Variants in PDK2 observed in about 807,000 individuals in gnomAD.
PDK2 encodes the protein pyruvate dehydrogenase kinase, isozyme 2.
A neutral mutation model predicts 50.4 loss-of-function variants in PDK2; 34 were observed. The observed-to-expected ratio is 0.68, with a 90% CI of 0.51 to 0.90. PDK2 has a LOEUF of 0.90. Ranked by LOEUF, PDK2 falls within the 40% of genes least tolerant of loss-of-function variation. PDK2 has a pLI of 0.00. For synonymous variants in PDK2, 232 were observed against 216.0 expected, an observed-to-expected ratio of 1.07 and a Z score of -0.65; for missense variants, 377 against 544.5, an observed-to-expected ratio of 0.69 and a Z score of 3.06.
rs767100603 is a variant in PDK2 at position 50,106,112 on chromosome 17, G to A, written c.517+43G>A. ...CGGCGGGGAGCGGGCGGTGGGGGGG[G>A]CGGTGCTGGGGCCCAGGGCCGGGCT... On this transcript the variant is annotated intron_variant, in intron 4 of 10. Transcript: ENST00000503176. 7 of 1,556,070 alleles carry A rather than the reference G, an allele frequency of 4.5e-6. No individual in the cohort carries two copies. In the Admixed American group the frequency reaches 5.8e-5, roughly 13 times the overall value.
At position 50,105,392 on chromosome 17, in the gene PDK2, C is replaced by T. The variant is rs1163386428; in HGVS notation, c.282C>T (p.Asp94=). ...VQSWYVQSLL[D]IMEFLDKDPE... ...ACAGGTATGTCCAGAGCCTCCTGGACATCATGGAGTTCCTGGACAAGGATC... is the reference window on the plus strand; with the variant it reads ...ACAGGTATGTCCAGAGCCTCCTGGATATCATGGAGTTCCTGGACAAGGATC... Residue 94 remains aspartate, a synonymous_variant, in exon 3 of 11, where the codon GAC becomes GAT. Transcript: ENST00000503176. The T allele has an allele frequency of 6.2e-7, 1 of 1,613,662 alleles. No homozygotes were observed. The highest frequency in any genetic ancestry group is 1.1e-5 in the South Asian group (1 of 91,014).
upstream of PDK2, chr17:50,094,843 G>A (rs1909848563): frequency 6.6e-6 from 1 of 152,542 alleles, no homozygotes; most frequent in Non-Finnish European, 1.5e-5. Flanking sequence ...AATATTCGCA[G>A]TCTGGGTCAC....
At chr17:50,097,776 C>T (rs1025617751) in intron 2 of PDK2, 113 of 535,544 alleles carry the variant, frequency 2.1e-4, no homozygotes, top group African/African-American at 5.7e-5. Context: ...CTGTGTCTAG[C>T]CCTCTTCTTA....
chr17:50,103,105 T>G (rs942293363), intron 2 of PDK2, among the ~76,000 whole-genome samples: 1 of 152,208 alleles, frequency 6.6e-6, no homozygotes, highest in Admixed American at 6.5e-5. Context: ...TATGTTCTTC[T>G]CCAGGGAGAC....
rs1910539709 is a variant in PDK2 at position 50,106,819 on chromosome 17, C to T, written c.543C>T (p.Asn181=). ...CCCTCATCTTTGATGGCAGCACCAA[C>T]CCAGCCCATCCCAAACACATCGGCA... The part of the protein sequence containing the change: ...QHTLIFDGST[N]PAHPKHIGSI... Residue 181 remains asparagine, a synonymous_variant, in exon 5 of 11, where the codon AAC becomes AAT. Transcript: ENST00000503176. 2 of 1,614,010 alleles carry T rather than the reference C, an allele frequency of 1.2e-6. No individual in the cohort carries two copies. Among genetic ancestry groups the T allele is most frequent in the Non-Finnish European group, 8.5e-7 (1 of 1,180,000 alleles).
rs1910709536 is a variant in PDK2, at chr17:50,109,478, C to T, written c.1083+78C>T. 4.8e-6 allele frequency: 4 copies of T among 829,354 alleles called. No individual in the cohort carries two copies. The South Asian group carries it at 5.2e-5, about 11-fold the overall frequency. The allele number at this position is 829,354 out of a possible 1,614,324, so 51.4% of individuals were successfully genotyped here. A position where few individuals can be genotyped will look rare whatever the true frequency, so the allele number is the denominator to read the frequency against. ...CTGGGCAGCCTTGGCCAGCTGCGAG[C>T]TTTCCTTTCCATCCCCCCAGTCCTT... On this transcript the variant is annotated intron_variant, in intron 10 of 10. Transcript: ENST00000503176. This position sits in a 1 kb window ranked among gnomAD's most constrained non-coding sequence, Gnocchi z 5.0.
rs199884933 is a variant in PDK2, at chr17:50,106,849, C to T, written c.573C>T (p.Ile191=). The change falls in exon 5 of 11, where the codon ATC becomes ATT. Residue 191 remains isoleucine (I), a synonymous_variant. Transcript: ENST00000503176. The part of the protein sequence containing the change: ...NPAHPKHIGS[I]DPNCNVSEVV... ...CCCATCCCAAACACATCGGCAGCATCGACCCCAACTGCAACGTCTCTGAGG... is the reference window on the plus strand; with the variant it reads ...CCCATCCCAAACACATCGGCAGCATTGACCCCAACTGCAACGTCTCTGAGG... 6 of 1,614,144 alleles carry T rather than the reference C, an allele frequency of 3.7e-6. No homozygotes were observed. The highest frequency in any genetic ancestry group is 1.1e-5 in the South Asian group (1 of 91,078).
chr17:50,099,662 G>A (rs1457322672), intron 2 of PDK2, among the ~76,000 whole-genome samples: 1 of 152,278 alleles, frequency 6.6e-6, no homozygotes, highest in African/African-American at 2.4e-5. Flanking sequence ...GCGCGGTGGC[G>A]GGCACCTGTA....
rs754798503 is a variant in PDK2 at position 50,108,705 on chromosome 17, G to C, written c.955G>C (p.Gly319Arg). The C allele has an allele frequency of 6.2e-7, 1 of 1,609,876 alleles. No individual in the cohort carries two copies. Among genetic ancestry groups the C allele is most frequent in the Non-Finnish European group, 8.5e-7 (1 of 1,177,268 alleles). ...AGCACCCACCCCCCAGCCTGGCACC[G>C]GGGGAACGCCGCTGGTGAGATGGCT... ...STAPTPQPGT[G>R]GTPLAGFGYG... Residue 319 changes from glycine (G) to arginine (R), a missense_variant, in exon 9 of 11, where the codon GGG becomes CGG. Gly to Arg is a moderately radical substitution (Grantham distance 125). Around this residue, in one of 3 missense-constraint regions of PDK2, gnomAD observed 214 missense variants for 294.0 expected, o/e 0.73. Coordinates refer to ENST00000503176, the MANE Select transcript of PDK2 (RefSeq NM_002611.5).
rs1910828181 is a variant in PDK2, at chr17:50,111,336, T to G, written c.*1239T>G. 1 of 152,230 alleles carries G rather than the reference T, an allele frequency of 6.6e-6. No homozygotes were observed. The allele number at this position is 152,230 out of a possible 1,614,324, so 9.4% of individuals were successfully genotyped here. On this transcript the variant is annotated 3_prime_UTR_variant, in exon 11 of 11. Coordinates refer to ENST00000503176, the MANE Select transcript of PDK2 (RefSeq NM_002611.5). Reference sequence around the variant, plus strand: ...CTGGTCACTGGCACATCATAAGGATTTATTGAAATAAATTGAGAACTGCCT... The same window carrying G: ...CTGGTCACTGGCACATCATAAGGATGTATTGAAATAAATTGAGAACTGCCT...
At position 50,108,693 on chromosome 17, in the gene PDK2, C is replaced by T. The variant is rs1441300054; in HGVS notation, c.943C>T (p.Gln315Ter). The T allele has an allele frequency of 4.3e-6, 7 of 1,612,622 alleles. 1 individual carries two copies. In the South Asian group the frequency reaches 4.4e-5, roughly 10 times the overall value. ...CATGTACTCCACAGCACCCACCCCCCAGCCTGGCACCGGGGGAACGCCGCT... is the reference window on the plus strand; with the variant it reads ...CATGTACTCCACAGCACCCACCCCCTAGCCTGGCACCGGGGGAACGCCGCT... ...SYMYSTAPTPQPGTGGTPLAG... is the reference protein window; with the variant it reads ...SYMYSTAPTP Residue 315 changes from glutamine (Q) to a stop codon, truncating the protein, a stop_gained, in exon 9 of 11, where the codon CAG becomes TAG. Transcript: ENST00000503176. LOFTEE classifies it high-confidence loss of function.
intron 2 of PDK2, among the ~76,000 whole-genome samples, chr17:50,099,203 C>T (rs1394746845): frequency 6.6e-6 from 1 of 152,142 alleles, no homozygotes; most frequent in African/African-American, 2.4e-5. Context: ...CCTCCTCCGG[C>T]TCTATCCGGC....
chr17:50,109,500 C>G lies in PDK2; in HGVS notation c.1083+100C>G. ...GAGCTTTCCTTTCCATCCCCCCAGT[C>G]CTTCCCTGGCCCCAGACTCTGAGAA... On this transcript the variant is annotated intron_variant, in intron 10 of 10. Coordinates refer to ENST00000503176, the MANE Select transcript of PDK2 (RefSeq NM_002611.5). This position sits in a 1 kb window ranked among gnomAD's most constrained non-coding sequence, Gnocchi z 5.0. 1 of 642,848 alleles carries G rather than the reference C, an allele frequency of 1.6e-6. No individual in the cohort carries two copies. The highest frequency in any genetic ancestry group is 2.9e-5 in the East Asian group (1 of 33,984). 39.8% of individuals were successfully genotyped at this position (642,848 alleles called of 1,614,324 possible).
chr17:50,096,047 T>G (rs1337862344), intron 1 of PDK2: 9 of 904,700 alleles, frequency 9.9e-6, no homozygotes, highest in Non-Finnish European at 1.3e-6. Flanking sequence ...AGGGTGAGAT[T>G]AAGCCAGGGG....
chr17:50,105,275 A>G, intron 2 of PDK2, 96 bp from the exon 3 acceptor site: 1 of 759,538 alleles, frequency 1.3e-6, no homozygotes, highest in African/African-American at 1.8e-5. Context: ...GGGCCCGCGT[A>G]GGAGCAGGAC....
intron 2 of PDK2, among the ~76,000 whole-genome samples, chr17:50,102,503 G>A (rs1307834691): frequency 1.4e-5 from 2 of 146,918 alleles, no homozygotes; most frequent in Non-Finnish European, 3.0e-5. Context: ...GCTCCCACCC[G>A]CTTCATCCCC....
At chr17:50,095,596 G>C (rs752524392) in intron 1 of PDK2, 43 bp downstream of exon 1, 108 of 1,537,560 alleles carry the variant, frequency 7.0e-5, no homozygotes, top group Non-Finnish European at 9.6e-5. Context: ...AGGCCGGCGG[G>C]GCGCTGGGAG....
At chr17:50,102,337 G>C (rs552994245) in intron 2 of PDK2, among the ~76,000 whole-genome samples, 76 of 152,312 alleles carry the variant, frequency 5.0e-4, no homozygotes, top group African/African-American at 1.8e-3. Flanking sequence ...CAGTGGCCAC[G>C]TGACCAGGCC....
At chr17:50,106,284 A>G in intron 4 of PDK2, 1 of 1,317,410 alleles carries the variant, frequency 7.6e-7, no homozygotes, top group Admixed American at 3.0e-5. Flanking sequence ...TTTTGTTTTC[A>G]GTGTTTGCAA....
Sources: gnomAD v4.1 joint callset for allele counts (sites outside exome capture counted in the v4.1 genomes callset) on GRCh38, gnomAD v4.1.1 for gene constraint, gnomAD v4.1.1 regional missense constraint, Gnocchi (gnomAD v3.1) non-coding constraint, MANE v1.5 for transcripts, NCBI Gene and HGNC (gene_info 2026-07-23, HGNC 2026-07-21) for gene names.